The following STRBP variants were observed in gnomAD, a reference collection of about 807,000 sequenced individuals.
STRBP encodes spermatid perinuclear RNA binding protein, also known as spermatid perinuclear RNA-binding protein.
In STRBP, 13 loss-of-function variants were observed where a neutral mutation model predicts 80.1. The observed-to-expected ratio is 0.16, with a 90% CI of 0.11 to 0.26. The LOEUF is 0.26. Ranked by LOEUF, STRBP falls within the 10% of genes least tolerant of loss-of-function variation. STRBP has a pLI of 1.00. For synonymous variants in STRBP, 284 were observed against 291.2 expected (o/e 0.98, Z 0.25); for missense variants, 485 against 815.2 (o/e 0.59, Z 4.93).
chr9:123,176,884 T>C (rs973400311), intron 4 of STRBP, among the ~76,000 whole-genome samples: 1 of 152,230 alleles, frequency 6.6e-6, no homozygotes, highest in Non-Finnish European at 1.5e-5. Context: ...ATAATACATA[T>C]TGTAGGACCT....
intron 14 of STRBP, among the ~76,000 whole-genome samples, chr9:123,138,846 AT>A (rs2036469698): frequency 6.6e-6 from 1 of 152,244 alleles, no homozygotes; most frequent in African/African-American, 2.4e-5. Flanking sequence ...ATAACTACTT[AT>A]TCATACAAAT....
downstream of STRBP, among the ~76,000 whole-genome samples, chr9:123,119,681 C>T (rs968067331): frequency 4.6e-5 from 7 of 152,110 alleles, no homozygotes; most frequent in African/African-American, 1.4e-4. Context: ...AGAGCCTTGC[C>T]CTCCTCACGT....
intron 11 of STRBP, among the ~76,000 whole-genome samples, chr9:123,154,177 G>A (rs1202968900): frequency 6.6e-6 from 1 of 152,184 alleles, no homozygotes; most frequent in African/African-American, 2.4e-5. Flanking sequence ...ACGGTAAGTG[G>A]TTGTCAAAAC....
At chr9:123,179,297 T>A in intron 3 of STRBP, 70 bp from the exon 4 acceptor site, 1 of 1,359,810 alleles carries the variant, frequency 7.4e-7, no homozygotes, top group South Asian at 1.3e-5. Context: ...GATATACAAC[T>A]ATATCTTTAG....
intron 1 of STRBP, among the ~76,000 whole-genome samples, 166 bp from the exon 2 acceptor site, chr9:123,237,132 A>G (rs2040585421): frequency 2.0e-5 from 3 of 152,200 alleles, no homozygotes; most frequent in African/African-American, 7.2e-5. Flanking sequence ...GCCAGACTCC[A>G]TCTCAATAAC....
chr9:123,201,573 C>T (rs2039327010), intron 2 of STRBP, among the ~76,000 whole-genome samples: 1 of 152,144 alleles, frequency 6.6e-6, no homozygotes, highest in Non-Finnish European at 1.5e-5. Flanking sequence ...CTAGTACAAA[C>T]TAGAGTTGAT....
Position 123,124,910 on chromosome 9 carries a change from T to C in STRBP, c.*687A>G. The C allele has an allele frequency of 3.0e-6, 3 of 985,666 alleles. No homozygotes were observed. Among genetic ancestry groups the C allele is most frequent in the Non-Finnish European group, 3.6e-6 (3 of 829,924 alleles). 61.1% of individuals were successfully genotyped at this position (985,666 alleles called of 1,614,324 possible). A position where few individuals can be genotyped will look rare whatever the true frequency, so the allele number is the denominator to read the frequency against. ...ACAAAGTGAGTAGACTGGCTCAAAC[T>C]AACAATCACCTTTGCTTTGTTTTAG... On this transcript the variant is annotated 3_prime_UTR_variant, in exon 19 of 19. Transcript: ENST00000348403.
chr9:123,240,299 ATAT>A (rs2040665609), intron 1 of STRBP, among the ~76,000 whole-genome samples: 3 of 115,110 alleles, frequency 2.6e-5, no homozygotes, highest in Admixed American at 2.4e-4. Flanking sequence ...TGAAACCATT[ATAT>A]TATTATGTAT....
intron 2 of STRBP, among the ~76,000 whole-genome samples, chr9:123,224,316 C>A (rs2040167295): frequency 6.6e-6 from 1 of 152,174 alleles, no homozygotes; most frequent in Non-Finnish European, 1.5e-5. Context: ...CACAATTCTT[C>A]ACTCACAGAA....
intron 17 of STRBP, among the ~76,000 whole-genome samples, chr9:123,129,539 T>C (rs1158015114): frequency 6.6e-6 from 1 of 152,166 alleles, no homozygotes; most frequent in Non-Finnish European, 1.5e-5. Flanking sequence ...ACTCCCTCCT[T>C]CTCTGGATGA....
intron 17 of STRBP, among the ~76,000 whole-genome samples, chr9:123,128,966 A>C (rs184874593): frequency 6.6e-6 from 1 of 152,234 alleles, no homozygotes; most frequent in Non-Finnish European, 1.5e-5. Flanking sequence ...TTTTTATACC[A>C]TATTAGTAGG....
At chr9:123,150,426 G>A (rs568792421) in intron 11 of STRBP, among the ~76,000 whole-genome samples, 5 of 152,220 alleles carry the variant, frequency 3.3e-5, no homozygotes, top group Admixed American at 1.3e-4. Context: ...GGTGAGCCTG[G>A]CACGGTGCCA....
Position 123,179,117 on chromosome 9 carries a change from A to C in STRBP, c.114T>G (p.Val38=). The C allele has an allele frequency of 6.2e-7, 1 of 1,614,152 alleles. No individual in the cohort carries two copies. The highest frequency in any genetic ancestry group is 1.7e-5 in the Admixed American group (1 of 60,020). Residue 38 remains valine (V), a synonymous_variant, in exon 4 of 19, where the codon GTT becomes GTG. Transcript: ENST00000348403. The stretch of plus-strand genomic sequence containing the variant: ...CTGAGACATGTTTAAGAGCACATTC[A>C]ACAGTAGATACCATATTCTGAACAG... ...LEAVQNMVST[V]ECALKHVSDW... is the part of the protein sequence containing the mutation.
chr9:123,195,276 T>G (rs151287979), intron 2 of STRBP, among the ~76,000 whole-genome samples: 1 of 152,170 alleles, frequency 6.6e-6, no homozygotes, highest in East Asian at 1.9e-4. Context: ...ATCTCACATC[T>G]GATCCATCAT....
chr9:123,217,895 G>A (rs1402701076), intron 2 of STRBP, among the ~76,000 whole-genome samples: 1 of 152,172 alleles, frequency 6.6e-6, no homozygotes, highest in East Asian at 1.9e-4. Flanking sequence ...TTTCTAGCTT[G>A]TCAGTCCAGA....
chr9:123,250,663 T>C (rs79239641), intron 1 of STRBP, among the ~76,000 whole-genome samples: 2,180 of 152,308 alleles, frequency 0.014, 59 homozygotes, highest in African/African-American at 0.05. Flanking sequence ...CTTGGAGCAG[T>C]GGTCACTTAA....
At chr9:123,215,502 A>C (rs112863802) in intron 2 of STRBP, among the ~76,000 whole-genome samples, 3 of 152,252 alleles carry the variant, frequency 2.0e-5, no homozygotes, top group African/African-American at 7.2e-5. Context: ...AAATTATAAA[A>C]ATTCAATAAG....
chr9:123,217,014 C>A (rs2039920810), intron 2 of STRBP, among the ~76,000 whole-genome samples: 1 of 152,162 alleles, frequency 6.6e-6, no homozygotes, highest in African/African-American at 2.4e-5. Flanking sequence ...AAGATACCTG[C>A]CTTATCTGCT....
At chr9:123,251,766 T>A (rs1020410124) in intron 1 of STRBP, among the ~76,000 whole-genome samples, 3 of 152,272 alleles carry the variant, frequency 2.0e-5, no homozygotes, top group Middle Eastern at 6.8e-3. Context: ...ATGAGTAAAA[T>A]TATTAGGCTA....
Sources: allele counts gnomAD v4.1 joint callset (sites outside exome capture counted in the v4.1 genomes callset), GRCh38; gene constraint gnomAD v4.1.1; transcripts MANE v1.5; gene names NCBI Gene and HGNC (gene_info 2026-07-23, HGNC 2026-07-21).